FADS6: variants seen among roughly 807,000 people sequenced by gnomAD.
FADS6 encodes the protein fatty acid desaturase 6.
In FADS6, 28 loss-of-function variants were observed where a neutral mutation model predicts 31.7. The observed-to-expected ratio is 0.88, with a 90% CI of 0.66 to 1.21. FADS6 has a LOEUF of 1.21. FADS6 is among the 50% of genes most tolerant of loss of function. FADS6 has a pLI of 0.00. For missense variants in FADS6, 494 were observed against 504.2 expected, an observed-to-expected ratio of 0.98 and a Z score of 0.19; for synonymous variants, 191 against 213.1, an observed-to-expected ratio of 0.90 and a Z score of 0.90.
At chr17:74,881,940 ATTTT>A (rs111794833) in intron 3 of FADS6, among the ~76,000 whole-genome samples, 149 of 144,650 alleles carry the variant, frequency 1.0e-3, no homozygotes, top group Admixed American at 3.0e-3. Context: ...TCTGCAAAGC[ATTTT>A]TTTTTTTTTT....
intron 4 of FADS6, 111 bp from the exon 5 acceptor site, chr17:74,879,694 TG>T: frequency 8.7e-7 from 1 of 1,147,068 alleles, no homozygotes. Context: ...ACCTCCCATG[TG>T]GGGGGACCTG....
intron 5 of FADS6, 98 bp from the exon 6 acceptor site, chr17:74,878,575 G>A: frequency 7.0e-7 from 1 of 1,429,686 alleles, no homozygotes; most frequent in Non-Finnish European, 9.6e-7. Context: ...CCCACCCCCA[G>A]TTCCTATCGG....
chr17:74,881,579 G>C (rs1159755484), intron 3 of FADS6, among the ~76,000 whole-genome samples: 7 of 151,656 alleles, frequency 4.6e-5, no homozygotes, highest in African/African-American at 7.3e-5. Context: ...CACACCTGTG[G>C]TCCCAGCTAC....
chr17:74,893,217 G>GC, intron 1 of FADS6, 135 bp downstream of exon 1: 1 of 1,038,434 alleles, frequency 9.6e-7, no homozygotes. Context: ...GACCACCTCC[G>GC]CCTCCCTGCC....
chr17:74,881,916 A>G (rs546864023), intron 3 of FADS6, among the ~76,000 whole-genome samples: 1 of 151,822 alleles, frequency 6.6e-6, no homozygotes, highest in East Asian at 1.9e-4. Flanking sequence ...ATGAAGTATT[A>G]TTTGTGCAAG....
At chr17:74,892,252 A>G (rs368679774) in intron 2 of FADS6, among the ~76,000 whole-genome samples, 53 of 152,266 alleles carry the variant, frequency 3.5e-4, no homozygotes, top group African/African-American at 1.3e-3. Flanking sequence ...CAAAATCTGG[A>G]GGCCCCACTG....
Position 74,878,256 on chromosome 17 carries a change from C to G in FADS6, c.*75G>C. 6.6e-7 allele frequency: 1 copy of G among 1,512,452 alleles called. No homozygotes were observed. The highest frequency in any genetic ancestry group is 8.9e-7 in the Non-Finnish European group (1 of 1,129,456). The allele number at this position is 1,512,452 out of a possible 1,614,324, so 93.7% of individuals were successfully genotyped here. ...TCCACCACCAGCCACTGAGCCACAC[C>G]CCCTGGACCAGCAGCAGCAGGAGGG... On this transcript the variant is annotated 3_prime_UTR_variant, in exon 6 of 6. Transcript: ENST00000612771.
chr17:74,893,302 C>G (rs2038712388), intron 1 of FADS6, 50 bp downstream of exon 1: 2 of 1,473,802 alleles, frequency 1.4e-6, no homozygotes, highest in Non-Finnish European at 1.8e-6. Flanking sequence ...CCGCCGCACC[C>G]CGCCCCCACC....
At chr17:74,885,890 A>G (rs2144716792) in intron 2 of FADS6, among the ~76,000 whole-genome samples, 1 of 152,260 alleles carries the variant, frequency 6.6e-6, no homozygotes, top group Middle Eastern at 3.4e-3. Flanking sequence ...GTGGTAGCTT[A>G]TGCCTGTAAT....
At chr17:74,875,914 A>C (rs1192003493), downstream of FADS6, among the ~76,000 whole-genome samples, 1 of 152,204 alleles carries the variant, frequency 6.6e-6, no homozygotes, top group Non-Finnish European at 1.5e-5. Flanking sequence ...CAGTTTAATG[A>C]AGGAGTTTGT....
chr17:74,881,179 G>A lies in FADS6; in HGVS notation c.669C>T (p.Tyr223=), dbSNP rs755027706. 6.2e-7 allele frequency: 1 copy of A among 1,612,748 alleles called. No individual in the cohort carries two copies. Among genetic ancestry groups the A allele is most frequent in the African/African-American group, 1.3e-5 (1 of 74,922 alleles). The part of the protein sequence containing the change: ...ALISLGLYSH[Y]WLLLNVSGFK... ...AGCCTGACACGTTCAGGAGCAGCCA[G>A]TAGTGAGAATAAAGGCCCAGAGAAA... Residue 223 remains tyrosine, a synonymous_variant, in exon 4 of 6, where the codon TAC becomes TAT. Coordinates refer to ENST00000612771, the MANE Select transcript of FADS6 (RefSeq NM_178128.6).
chr17:74,879,587 TGACA>T lies in FADS6; in HGVS notation c.781-8_781-5del. The T allele has an allele frequency of 6.2e-7, 1 of 1,609,228 alleles. No individual in the cohort carries two copies. The highest frequency in any genetic ancestry group is 1.1e-5 in the South Asian group (1 of 90,798). On this transcript the variant is annotated splice_polypyrimidine_tract_variant and splice_region_variant and intron_variant, in intron 4 of 5. Coordinates refer to ENST00000612771, the MANE Select transcript of FADS6 (RefSeq NM_178128.6). ...AGAACATGGGCAGTCCGATGTGCTG[TGACA>T]GACACGTGGGTCACGCCGGGCAGCC...
chr17:74,874,805 T>G (rs1171960095), downstream of FADS6, among the ~76,000 whole-genome samples: 2 of 152,232 alleles, frequency 1.3e-5, no homozygotes, highest in Non-Finnish European at 1.5e-5. Flanking sequence ...GAATAAAACT[T>G]TATTGGAAGA....
At chr17:74,878,910 T>C (rs921166603) in intron 5 of FADS6, 1 of 196,052 alleles carries the variant, frequency 5.1e-6, no homozygotes, top group Non-Finnish European at 1.0e-5. Context: ...GAAACCTGGG[T>C]ATCTCTGATC....
In FADS6 at chr17:74,893,398, G is replaced by T. The variant is rs188462151; in HGVS notation, c.198C>A (p.Gly66=). 3.1e-4 allele frequency: 485 copies of T among 1,542,932 alleles called. 6 individuals are homozygous for T. The African/African-American group carries it at 5.9e-3, about 19-fold the overall frequency. Reference sequence around the variant, plus strand: ...TGAGCGCGAGGATGGCGCAGTCCACGCCGTGGCGCTCCCACCAGGAGCTCG... The same window carrying T: ...TGAGCGCGAGGATGGCGCAGTCCACTCCGTGGCGCTCCCACCAGGAGCTCG... ...VRTSSWWERH[G]VDCAILALSL... is the part of the protein sequence containing the mutation. The change falls in exon 1 of 6, where the codon GGC becomes GGA. Residue 66 remains glycine (G), a synonymous_variant. Coordinates refer to ENST00000612771, the MANE Select transcript of FADS6 (RefSeq NM_178128.6).
Position 74,877,656 on chromosome 17 carries a change from C to T in FADS6, c.*675G>A, listed in dbSNP as rs1287774078. On this transcript the variant is annotated 3_prime_UTR_variant, in exon 6 of 6. Transcript: ENST00000612771. Reference sequence around the variant, plus strand: ...CTGGCTATTTATACTCTTTCCCTAACTCTGTCCCTGGGGAACCTTCTCCCC... The same window carrying T: ...CTGGCTATTTATACTCTTTCCCTAATTCTGTCCCTGGGGAACCTTCTCCCC... 2 of 981,280 alleles carry T rather than the reference C, an allele frequency of 2.0e-6. No homozygotes were observed. The highest frequency in any genetic ancestry group is 1.8e-5 in the African/African-American group (1 of 57,102). The allele number at this position is 981,280 out of a possible 1,614,324, so 60.8% of individuals were successfully genotyped here.
chr17:74,882,696 G>C lies in FADS6; in HGVS notation c.426C>G (p.Phe142Leu), dbSNP rs759892994. ...GCCCATGCGTGGCGTGCTCTGCAGT[G>C]AAGGCTGTGCACACCTAGAGGAGGG... ...LLFFVEVCTAFTAEHATHGHV... is the reference protein window; with the variant it reads ...LLFFVEVCTALTAEHATHGHV... Residue 142 changes from phenylalanine (F) to leucine (L), a missense_variant, in exon 3 of 6, where the codon TTC (phenylalanine) becomes TTG (leucine). Phe to Leu is a conservative substitution (Grantham distance 22). This residue lies in a region of FADS6 where 454 missense variants were observed against 438.5 expected (regional missense o/e 1.04). Coordinates refer to ENST00000612771, the MANE Select transcript of FADS6 (RefSeq NM_178128.6). 1 of 1,609,936 alleles carries C rather than the reference G, an allele frequency of 6.2e-7. No homozygotes were observed. Among genetic ancestry groups the C allele is most frequent in the East Asian group, 2.2e-5 (1 of 44,798 alleles).
rs1343406281 is a variant in FADS6, at chr17:74,893,393, T to C, written c.203A>G (p.Asp68Gly). The C allele has an allele frequency of 2.6e-6, 4 of 1,540,066 alleles. No homozygotes were observed. Among genetic ancestry groups the C allele is most frequent in the Admixed American group, 3.9e-5 (2 of 50,644 alleles). ...GAGGCTGAGCGCGAGGATGGCGCAG[T>C]CCACGCCGTGGCGCTCCCACCAGGA... ...TSSWWERHGV[D>G]CAILALSLFA... Residue 68 changes from aspartate (D) to glycine (G), a missense_variant, in exon 1 of 6, where the codon GAC becomes GGC. Coordinates refer to ENST00000612771, the MANE Select transcript of FADS6 (RefSeq NM_178128.6).
chr17:74,881,355 A>G lies in FADS6; in HGVS notation c.593-100T>C. On this transcript the variant is annotated intron_variant, in intron 3 of 5. Coordinates refer to ENST00000612771, the MANE Select transcript of FADS6 (RefSeq NM_178128.6). ...GCAGTGGCGGAGGCCAGGCGTGTTC[A>G]ATTCATACCCACAACAGCCCTGAAA... The G allele has an allele frequency of 1.4e-5, 16 of 1,138,532 alleles. No individual in the cohort carries two copies. The South Asian group carries it at 2.6e-4, about 19-fold the overall frequency. 70.5% of individuals were successfully genotyped at this position (1,138,532 alleles called of 1,614,324 possible). A position where few individuals can be genotyped will look rare whatever the true frequency, so the allele number is the denominator to read the frequency against.
Sources: allele counts gnomAD v4.1 joint callset (sites outside exome capture counted in the v4.1 genomes callset), GRCh38; gene constraint gnomAD v4.1.1; regional missense constraint gnomAD v4.1.1; transcripts MANE v1.5; gene names NCBI Gene and HGNC (gene_info 2026-07-23, HGNC 2026-07-21).